ABCA13: variants seen among roughly 807,000 people sequenced by gnomAD.
ABCA13 encodes ATP binding cassette subfamily A member 13, also known as ATP-binding cassette sub-family A member 13.
Under a neutral mutation model 478.7 loss-of-function variants are expected in ABCA13, and 476 were observed. The observed-to-expected ratio is 0.99, with a 90% CI of 0.92 to 1.07. The LOEUF is 1.07. Among genes scored for constraint, ABCA13 ranks in the 50% least tolerant of loss-of-function variants. The probability of loss-of-function intolerance (pLI) is 0.00; values close to 1 mark genes in which losing one functional copy is unlikely to be tolerated. For missense variants in ABCA13, 6,060 were observed against 5,910.6 expected, an observed-to-expected ratio of 1.03 and a Z score of -0.83; for synonymous variants, 2,252 against 2,158.9, an observed-to-expected ratio of 1.04 and a Z score of -1.20.
chr7:48,204,198 C>T lies in ABCA13; in HGVS notation c.287+5838C>T, dbSNP rs140799992. Among the ~76,000 whole-genome samples, 348 of 151,228 alleles carry T rather than the reference C, an allele frequency of 2.3e-3. 2 individuals carry two copies. The highest frequency in any genetic ancestry group is 8.1e-3 in the African/African-American group (333 of 41,136). ...TGAGATCTCGGCTCACCCCAACCTC[C>T]GCCTCCTAGACTTATAATTTTTTTT... On this transcript the variant is annotated intron_variant, in intron 3 of 61. Transcript: ENST00000435803.
chr7:48,643,456 G>A, intron 60 of ABCA13, 63 bp downstream of exon 60: 1 of 1,386,428 alleles, frequency 7.2e-7, no homozygotes, highest in Non-Finnish European at 1.0e-6. Context: ...AAATGTACCT[G>A]TCTTTTTTTG....
chr7:48,309,389 A>G (rs923319117), intron 23 of ABCA13, among the ~76,000 whole-genome samples: 4 of 152,202 alleles, frequency 2.6e-5, no homozygotes, highest in Non-Finnish European at 5.9e-5. Context: ...ATTGCGATGC[A>G]TGATAGTAAT....
At chr7:48,456,045 T>A (rs1446175866) in intron 43 of ABCA13, among the ~76,000 whole-genome samples, 1 of 152,234 alleles carries the variant, frequency 6.6e-6, no homozygotes, top group African/African-American at 2.4e-5. Flanking sequence ...GATCCAGACA[T>A]CATTACATTG....
In ABCA13 at chr7:48,644,645, A is replaced by G; in HGVS notation, c.14972A>G (p.His4991Arg). ...KGQHLNLLEY[H>R]VPKRWGCLAD... ...CAGCACCTGAATTTATTAGAATATC[A>G]TGTGCCAAAAAGATGGGGATGCCTA... Residue 4991 changes from histidine to arginine, a missense_variant, in exon 61 of 62, where the codon CAT becomes CGT. Physicochemically the swap from His to Arg is conservative, Grantham distance 29. Around this residue, in one of 3 missense-constraint regions of ABCA13, gnomAD observed 1,627 missense variants for 1,571.0 expected, o/e 1.04. Transcript: ENST00000435803. 1 of 1,603,442 alleles carries G rather than the reference A, an allele frequency of 6.2e-7. No homozygotes were observed. Among genetic ancestry groups the G allele is most frequent in the Non-Finnish European group, 8.5e-7 (1 of 1,177,724 alleles).
At chr7:48,468,440 C>T (rs1353501648) in intron 44 of ABCA13, among the ~76,000 whole-genome samples, 1 of 152,130 alleles carries the variant, frequency 6.6e-6, no homozygotes, top group Non-Finnish European at 1.5e-5. Context: ...CTATCCTTAA[C>T]TCATTTCTAT....
rs745665399 is a variant in ABCA13, at chr7:48,275,820, C to A, written c.6154C>A (p.Pro2052Thr). 1.2e-6 allele frequency: 2 copies of A among 1,612,748 alleles called. No individual in the cohort carries two copies. The highest frequency in any genetic ancestry group is 1.3e-5 in the African/African-American group (1 of 74,884). ...AAGTTTTATTGAAAAAAGTGAAACA[C>A]CTTACAACTTTGAAGAACTATGGCC... is the stretch of plus-strand genomic sequence containing the variant. ...LSSFIEKSET[P>T]YNFEELWPKF... The change falls in exon 17 of 62, where the codon CCT (proline) becomes ACT (threonine). Residue 2052 changes from proline to threonine, a missense_variant. By Grantham distance (38) the Pro-to-Thr change is conservative. Coordinates refer to ENST00000435803, the MANE Select transcript of ABCA13 (RefSeq NM_152701.5).
chr7:48,333,552 G>T (rs964072198), intron 27 of ABCA13, among the ~76,000 whole-genome samples: 1 of 152,190 alleles, frequency 6.6e-6, no homozygotes, highest in Non-Finnish European at 1.5e-5. Context: ...TATAATAGGA[G>T]ACTTTGAGCC....
At chr7:48,200,845 G>T (rs117432805) in intron 3 of ABCA13, among the ~76,000 whole-genome samples, 137 of 152,290 alleles carry the variant, frequency 9.0e-4, no homozygotes, top group South Asian at 1.9e-3. Context: ...TTATTTTGTG[G>T]TAATTGTCTC....
At chr7:48,249,141 A>G in intron 14 of ABCA13, 71 bp from the exon 15 acceptor site, 1 of 1,417,078 alleles carries the variant, frequency 7.1e-7, no homozygotes, top group East Asian at 2.3e-5. Context: ...TTTTAGAAAA[A>G]TTTATAATGA....
intron 15 of ABCA13, 134 bp downstream of exon 15, chr7:48,249,485 T>C: frequency 8.8e-7 from 1 of 1,140,642 alleles, no homozygotes; most frequent in Non-Finnish European, 1.3e-6. Flanking sequence ...CAATTTGGCA[T>C]TGTGATTACT....
intron 59 of ABCA13, among the ~76,000 whole-genome samples, chr7:48,639,384 T>G (rs996491653): frequency 5.9e-5 from 9 of 152,148 alleles, no homozygotes; most frequent in African/African-American, 2.2e-4. Flanking sequence ...CACCAACCCA[T>G]GAGGAGTGGG....
In ABCA13 at chr7:48,455,112, G is replaced by T. The variant is rs536577347; in HGVS notation, c.12641G>T (p.Arg4214Leu). ...GCACAAGTGGCCGCGATCCTGGCCC[G>T]GAGGCTCCGCCGCACGCTGCGCGCC... The part of the protein sequence containing the change: ...LRAQVAAILA[R>L]RLRRTLRAGK... Residue 4214 changes from arginine (R) to leucine (L), a missense_variant, in exon 43 of 62, where the codon CGG becomes CTG. Physicochemically the swap from Arg to Leu is moderately radical, Grantham distance 102. Coordinates refer to ENST00000435803, the MANE Select transcript of ABCA13 (RefSeq NM_152701.5). 1 of 1,558,376 alleles carries T rather than the reference G, an allele frequency of 6.4e-7. No individual in the cohort carries two copies. The highest frequency in any genetic ancestry group is 8.7e-7 in the Non-Finnish European group (1 of 1,151,906).
chr7:48,319,020 A>G (rs528203946), intron 27 of ABCA13, among the ~76,000 whole-genome samples: 5 of 152,182 alleles, frequency 3.3e-5, no homozygotes, highest in Admixed American at 2.6e-4. Context: ...ATACTATGCT[A>G]TAAAGACCAT....
intron 55 of ABCA13, among the ~76,000 whole-genome samples, chr7:48,570,987 C>G (rs1787591068): frequency 1.3e-5 from 2 of 152,098 alleles, no homozygotes; most frequent in East Asian, 1.9e-4. Context: ...ATTTTCTTAG[C>G]AGTTTTCCTG....
At chr7:48,388,597 A>G (rs891748020) in intron 36 of ABCA13, among the ~76,000 whole-genome samples, 10 of 152,240 alleles carry the variant, frequency 6.6e-5, no homozygotes, top group Admixed American at 5.2e-4. Flanking sequence ...GTGGGTTTAG[A>G]TTACAAGTCA....
intron 43 of ABCA13, among the ~76,000 whole-genome samples, chr7:48,458,121 T>C (rs961615263): frequency 7.2e-5 from 11 of 152,190 alleles, no homozygotes; most frequent in Non-Finnish European, 1.2e-4. Context: ...CCCTGTTGTT[T>C]TGCATTTGTA....
At chr7:48,642,835 T>C (rs1435327747) in intron 59 of ABCA13, among the ~76,000 whole-genome samples, 1 of 152,156 alleles carries the variant, frequency 6.6e-6, no homozygotes, top group Non-Finnish European at 1.5e-5. Flanking sequence ...AACTTTTTTA[T>C]ATAACAAACA....
chr7:48,489,319 C>T lies in ABCA13; in HGVS notation c.13266C>T (p.Pro4422=), dbSNP rs1286129892. The T allele has an allele frequency of 6.2e-7, 1 of 1,610,714 alleles. No individual in the cohort carries two copies. Among genetic ancestry groups the T allele is most frequent in the East Asian group, 2.2e-5 (1 of 44,830 alleles). The change falls in exon 48 of 62, where the codon CCC becomes CCT. Residue 4422 remains proline (P), a synonymous_variant. Transcript: ENST00000435803. ...ACCTTATTTTGTGGCAGCACCTACCCCCTACTGTGGACTGGAGACAATACG... is the reference window on the plus strand; with the variant it reads ...ACCTTATTTTGTGGCAGCACCTACCTCCTACTGTGGACTGGAGACAATACG... ...LNNLILWQHL[P]PTVDWRQYGI...
At chr7:48,464,910 G>A (rs1439032123) in intron 43 of ABCA13, among the ~76,000 whole-genome samples, 4 of 152,202 alleles carry the variant, frequency 2.6e-5, no homozygotes, top group Non-Finnish European at 4.4e-5. Flanking sequence ...AGAGGAGGCA[G>A]GGAGGACTTA....
Sources: gnomAD v4.1 joint callset for allele counts (sites outside exome capture counted in the v4.1 genomes callset) on GRCh38, gnomAD v4.1.1 for gene constraint, gnomAD v4.1.1 regional missense constraint, MANE v1.5 for transcripts, NCBI Gene and HGNC (gene_info 2026-07-23, HGNC 2026-07-21) for gene names.